The following SAP30L variants were observed in gnomAD, a reference collection of about 807,000 sequenced individuals.
SAP30L encodes the protein SAP30 like, also known as histone deacetylase complex subunit SAP30L.
Under a neutral mutation model 22.3 loss-of-function variants are expected in SAP30L, and 10 were observed. That is an observed-to-expected ratio of 0.45 (90% CI 0.28 to 0.76). SAP30L has a LOEUF of 0.76. Among genes scored for constraint, SAP30L ranks in the 30% least tolerant of loss-of-function variants. SAP30L has a pLI of 0.14. For synonymous variants in SAP30L, 91 were observed against 94.1 expected, an observed-to-expected ratio of 0.97 and a Z score of 0.19; for missense variants, 206 against 237.9, an observed-to-expected ratio of 0.87 and a Z score of 0.88.
At chr5:154,449,584 G>T (rs1228154863) in intron 1 of SAP30L, among the ~76,000 whole-genome samples, 1 of 152,174 alleles carries the variant, frequency 6.6e-6, no homozygotes, top group African/African-American at 2.4e-5. Context: ...GAGTGGACTC[G>T]CCAGTCTAGC....
Position 154,446,642 on chromosome 5 carries a change from G to A in SAP30L, c.38G>A (p.Gly13Glu). The A allele has an allele frequency of 9.2e-6, 14 of 1,529,976 alleles. No homozygotes were observed. The highest frequency in any genetic ancestry group is 1.2e-5 in the Non-Finnish European group (14 of 1,140,434). 94.8% of individuals were successfully genotyped at this position (1,529,976 alleles called of 1,614,324 possible). Residue 13 changes from glycine to glutamate, a missense_variant, in exon 1 of 4, where the codon GGG becomes GAG. Around this residue, in one of 2 missense-constraint regions of SAP30L, gnomAD observed 70 missense variants for 50.5 expected, o/e 1.39. Coordinates refer to ENST00000297109, the MANE Select transcript of SAP30L (RefSeq NM_024632.6). ...GFSTEEDSREGPPAAPAAAAP... is the reference protein window; with the variant it reads ...GFSTEEDSREEPPAAPAAAAP... ...AGCACGGAGGAGGACAGCCGCGAAG[G>A]GCCCCCCGCCGCCCCAGCTGCCGCC...
rs777059112 is a variant in SAP30L, at chr5:154,455,950, T to G, written c.474T>G (p.Leu158=). The G allele has an allele frequency of 6.2e-7, 1 of 1,614,172 alleles. No individual in the cohort carries two copies. The highest frequency in any genetic ancestry group is 8.5e-7 in the Non-Finnish European group (1 of 1,180,024). ...TACCTGTGAATGAAAAAGAGACCCT[T>G]GCCTACTTCATCTACATGGTGAAGA... The part of the protein sequence containing the change: ...RNIPVNEKET[L]AYFIYMVKSN... The change falls in exon 4 of 4, where the codon CTT becomes CTG. Residue 158 remains leucine (L), a synonymous_variant. Transcript: ENST00000297109.
intron 1 of SAP30L, among the ~76,000 whole-genome samples, chr5:154,447,965 T>C (rs1757058124): frequency 7.7e-6 from 1 of 129,176 alleles, no homozygotes; most frequent in African/African-American, 2.7e-5. Flanking sequence ...TTTTTTTTCT[T>C]TTTCTTTTTT....
chr5:154,446,968 T>A (rs890578628), intron 1 of SAP30L, among the ~76,000 whole-genome samples, 163 bp downstream of exon 1: 6 of 152,234 alleles, frequency 3.9e-5, no homozygotes, highest in Non-Finnish European at 8.8e-5. Context: ...GCTCCAGCGC[T>A]GACATGCTCT....
rs973454541 is a variant in SAP30L, at chr5:154,453,187, T to C, written c.325-215T>C. 2.7e-5 allele frequency: 13 copies of C among 475,002 alleles called. No homozygotes were observed. The South Asian group carries it at 4.4e-4, about 16-fold the overall frequency. 29.4% of individuals were successfully genotyped at this position (475,002 alleles called of 1,614,324 possible). A position where few individuals can be genotyped will look rare whatever the true frequency, so the allele number is the denominator to read the frequency against. On this transcript the variant is annotated intron_variant, in intron 2 of 3. Transcript: ENST00000297109. Reference sequence around the variant, plus strand: ...TTAAGCTTTACCTTTTCCACCAGTTTTGTGAGATCAGCCCACCCCAGCCAG... The same window carrying C: ...TTAAGCTTTACCTTTTCCACCAGTTCTGTGAGATCAGCCCACCCCAGCCAG...
At chr5:154,448,457 T>C (rs1757072702) in intron 1 of SAP30L, among the ~76,000 whole-genome samples, 1 of 152,174 alleles carries the variant, frequency 6.6e-6, no homozygotes, top group Non-Finnish European at 1.5e-5. Flanking sequence ...CAAACAAGGG[T>C]CTAGACACCA....
chr5:154,450,993 A>C (rs563339042), intron 1 of SAP30L, 98 bp from the exon 2 acceptor site: 24 of 1,281,300 alleles, frequency 1.9e-5, no homozygotes, highest in Middle Eastern at 1.9e-4. Context: ...CTATCTCTCC[A>C]ATGCCCTGCA....
At position 154,457,294 on chromosome 5, in the gene SAP30L, T is replaced by C. The variant is rs1757284080; in HGVS notation, c.*1266T>C. The C allele has an allele frequency of 6.6e-6, 1 of 152,202 alleles. No individual in the cohort carries two copies. Among genetic ancestry groups the C allele is most frequent in the Non-Finnish European group, 1.5e-5 (1 of 68,040 alleles). 9.4% of individuals were successfully genotyped at this position (152,202 alleles called of 1,614,324 possible). On this transcript the variant is annotated 3_prime_UTR_variant, in exon 4 of 4. Coordinates refer to ENST00000297109, the MANE Select transcript of SAP30L (RefSeq NM_024632.6). ...TGCTTTTGCAAAATTCTTTAATCTG[T>C]GTAATGGAGGGCAGAGGGTATGGGG...
chr5:154,446,538 G>T lies in SAP30L; in HGVS notation c.-67G>T. Reference sequence around the variant, plus strand: ...CGGGGGTCTCAGCGACCTGCCCCGCGGCAAGCGCGGCCGCGGAGTGGCCTA... The same window carrying T: ...CGGGGGTCTCAGCGACCTGCCCCGCTGCAAGCGCGGCCGCGGAGTGGCCTA... On this transcript the variant is annotated 5_prime_UTR_variant, in exon 1 of 4. Transcript: ENST00000297109. The T allele has an allele frequency of 2.3e-6, 3 of 1,304,274 alleles. No homozygotes were observed. The highest frequency in any genetic ancestry group is 2.0e-6 in the Non-Finnish European group (2 of 1,003,650). 80.8% of individuals were successfully genotyped at this position (1,304,274 alleles called of 1,614,324 possible).
rs780433513 is a variant in SAP30L at position 154,446,667 on chromosome 5, C to T, written c.63C>T (p.Ala21=). 1 of 1,552,272 alleles carries T rather than the reference C, an allele frequency of 6.4e-7. No homozygotes were observed. The highest frequency in any genetic ancestry group is 8.7e-7 in the Non-Finnish European group (1 of 1,152,852). ...REGPPAAPAA[A]APGYGQSCCL... is the part of the protein sequence containing the mutation. ...GGCCCCCCGCCGCCCCAGCTGCCGC[C>T]GCCCCGGGCTACGGCCAGAGCTGCT... The change falls in exon 1 of 4, where the codon GCC becomes GCT. Residue 21 remains alanine (A), a synonymous_variant. Transcript: ENST00000297109.
rs886666418 is a variant in SAP30L at position 154,459,081 on chromosome 5, G to A, written c.*3053G>A. On this transcript the variant is annotated 3_prime_UTR_variant, in exon 4 of 4. Transcript: ENST00000297109. ...GAAGCTTTTTGTTAATATCCTGCAG[G>A]GCAACTGCCTGTTGGGAGGGAGAGG... is the stretch of plus-strand genomic sequence containing the variant. The A allele has an allele frequency of 6.6e-6, 1 of 152,204 alleles. No individual in the cohort carries two copies. The highest frequency in any genetic ancestry group is 2.4e-5 in the African/African-American group (1 of 41,456). The allele number at this position is 152,204 out of a possible 1,614,324, so 9.4% of individuals were successfully genotyped here. A position where few individuals can be genotyped will look rare whatever the true frequency, so the allele number is the denominator to read the frequency against.
At position 154,453,482 on chromosome 5, in the gene SAP30L, T is replaced by C. The variant is rs1487652230; in HGVS notation, c.405T>C (p.Asn135=). 1.2e-6 allele frequency: 2 copies of C among 1,613,500 alleles called. No homozygotes were observed. Among genetic ancestry groups the C allele is most frequent in the South Asian group, 2.2e-5 (2 of 91,080 alleles). Residue 135 remains asparagine (N), a synonymous_variant, in exon 3 of 4, where the codon AAT becomes AAC. Coordinates refer to ENST00000297109, the MANE Select transcript of SAP30L (RefSeq NM_024632.6). ...HYKLQTRPGF[N]KAQLAETVSR... ...AGTTGCAGACCAGACCAGGCTTCAATAAGGCCCAGTTAGCAGAAGTAGGTA... is the reference window on the plus strand; with the variant it reads ...AGTTGCAGACCAGACCAGGCTTCAACAAGGCCCAGTTAGCAGAAGTAGGTA...
chr5:154,453,608 A>C, intron 3 of SAP30L, 108 bp downstream of exon 3: 1 of 788,312 alleles, frequency 1.3e-6, no homozygotes, highest in East Asian at 2.5e-5. Flanking sequence ...TTTCCTCCAG[A>C]GTTCTGGAAG....
rs867174228 is a variant in SAP30L, at chr5:154,446,650, G to A, written c.46G>A (p.Ala16Thr). The change falls in exon 1 of 4, where the codon GCC (alanine) becomes ACC (threonine). Residue 16 changes from alanine (A) to threonine (T), a missense_variant. Ala to Thr is a moderately conservative substitution (Grantham distance 58). This residue lies in a region of SAP30L where 70 missense variants were observed against 50.5 expected (regional missense o/e 1.39). Transcript: ENST00000297109. ...GGAGGACAGCCGCGAAGGGCCCCCC[G>A]CCGCCCCAGCTGCCGCCGCCCCGGG... Reference protein sequence around the residue: ...TEEDSREGPPAAPAAAAPGYG... With the variant: ...TEEDSREGPPTAPAAAAPGYG... 1 of 1,537,142 alleles carries A rather than the reference G, an allele frequency of 6.5e-7. No individual in the cohort carries two copies. Among genetic ancestry groups the A allele is most frequent in the Non-Finnish European group, 8.7e-7 (1 of 1,144,778 alleles).
In SAP30L at chr5:154,457,386, C is replaced by A. The variant is rs1029849069; in HGVS notation, c.*1358C>A. ...ATTTATGACCATCTTGACATATGGT[C>A]AAAGGTGTCATTTTCCTACTCAGTT... On this transcript the variant is annotated 3_prime_UTR_variant, in exon 4 of 4. Coordinates refer to ENST00000297109, the MANE Select transcript of SAP30L (RefSeq NM_024632.6). The A allele has an allele frequency of 6.6e-6, 1 of 152,212 alleles. No individual in the cohort carries two copies. The highest frequency in any genetic ancestry group is 2.4e-5 in the African/African-American group (1 of 41,438). The allele number at this position is 152,212 out of a possible 1,614,324, so 9.4% of individuals were successfully genotyped here. A position where few individuals can be genotyped will look rare whatever the true frequency, so the allele number is the denominator to read the frequency against.
intron 3 of SAP30L, among the ~76,000 whole-genome samples, chr5:154,454,956 A>G (rs901668056): frequency 6.6e-6 from 1 of 150,830 alleles, no homozygotes; most frequent in Non-Finnish European, 1.5e-5. Flanking sequence ...GTCTTGCTCT[A>G]TCTCCCAGGC....
At chr5:154,454,048 G>A (rs1223572982) in intron 3 of SAP30L, among the ~76,000 whole-genome samples, 1 of 152,130 alleles carries the variant, frequency 6.6e-6, no homozygotes, top group African/African-American at 2.4e-5. Context: ...ATTCTCTTTG[G>A]CTCAAGCCAT....
chr5:154,452,687 G>A (rs1338439596), intron 2 of SAP30L, among the ~76,000 whole-genome samples: 1 of 151,464 alleles, frequency 6.6e-6, no homozygotes, highest in Non-Finnish European at 1.5e-5. Flanking sequence ...CTGGAGGGAG[G>A]TTAAGGATTC....
intron 1 of SAP30L, among the ~76,000 whole-genome samples, chr5:154,450,734 T>C (rs1757120326): frequency 1.3e-5 from 2 of 152,192 alleles, no homozygotes; most frequent in African/African-American, 4.8e-5. Context: ...CTCTAAAGTC[T>C]TGGCACTCCT....
Sources: allele counts gnomAD v4.1 joint callset (sites outside exome capture counted in the v4.1 genomes callset), GRCh38; gene constraint gnomAD v4.1.1; regional missense constraint gnomAD v4.1.1; transcripts MANE v1.5; gene names NCBI Gene and HGNC (gene_info 2026-07-23, HGNC 2026-07-21).